UBE2K: variants seen among roughly 807,000 people sequenced by gnomAD.
UBE2K encodes ubiquitin conjugating enzyme E2 K.
A neutral mutation model predicts 30.0 loss-of-function variants in UBE2K; 6 were observed. The ratio of observed to expected loss-of-function variants is 0.20; its 90% CI spans 0.11 to 0.39. The LOEUF is 0.39. UBE2K is among the 10% of genes least tolerant of loss of function. The pLI is 1.00. For synonymous variants in UBE2K, 86 were observed against 83.7 expected (o/e 1.03, Z -0.15); for missense variants, 61 against 241.6 (o/e 0.25, Z 4.96).
intron 1 of UBE2K, among the ~76,000 whole-genome samples, chr4:39,701,140 T>C (rs1392960928): frequency 6.6e-6 from 1 of 151,556 alleles, no homozygotes; most frequent in Non-Finnish European, 1.5e-5. Flanking sequence ...CAGATGTTTC[T>C]TTTTATTAAT....
intron 1 of UBE2K, among the ~76,000 whole-genome samples, chr4:39,703,552 A>G (rs1718155774): frequency 6.6e-6 from 1 of 152,022 alleles, no homozygotes; most frequent in Non-Finnish European, 1.5e-5. Flanking sequence ...TTTATTAACT[A>G]TATAAGAAGA....
At chr4:39,725,891 C>T (rs1027343175) in intron 1 of UBE2K, among the ~76,000 whole-genome samples, 8 of 152,128 alleles carry the variant, frequency 5.3e-5, no homozygotes, top group African/African-American at 1.4e-4. Flanking sequence ...AGTCTGTCCA[C>T]CTTGGCCTTC....
chr4:39,714,353 TTA>T lies in UBE2K; in HGVS notation c.63+15965_63+15966del, dbSNP rs141951032. 3.4e-4 allele frequency: 63 copies of T among 183,418 alleles called. No individual in the cohort carries two copies. In the East Asian group the frequency reaches 8.1e-3, roughly 23 times the overall value. 11.4% of individuals were successfully genotyped at this position (183,418 alleles called of 1,614,324 possible). A position where few individuals can be genotyped will look rare whatever the true frequency, so the allele number is the denominator to read the frequency against. On this transcript the variant is annotated intron_variant, in intron 1 of 6. Coordinates refer to ENST00000261427, the MANE Select transcript of UBE2K (RefSeq NM_005339.5). ...CTTGGGAAGACCAAGCCCTCAAGGATTATGTCATGCACGCCTGTCAGAATAGG... is the reference window on the plus strand; with the variant it reads ...CTTGGGAAGACCAAGCCCTCAAGGATTGTCATGCACGCCTGTCAGAATAGG...
At chr4:39,762,936 C>CTTTTTTTTTT (rs869207095) in intron 4 of UBE2K, among the ~76,000 whole-genome samples, 30 of 78,690 alleles carry the variant, frequency 3.8e-4, no homozygotes, top group East Asian at 5.4e-4. Flanking sequence ...CCAAAAAACA[C>CTTTTTTTTTT]TTTTTTTTTT....
chr4:39,745,328 C>T (rs55996133), intron 2 of UBE2K, among the ~76,000 whole-genome samples: 2,593 of 152,188 alleles, frequency 0.017, 30 homozygotes, highest in Non-Finnish European at 0.025. Context: ...TAATCTCTGT[C>T]CTTTGTATCA....
At chr4:39,771,141 G>A in intron 4 of UBE2K, 1 of 1,612,548 alleles carries the variant, frequency 6.2e-7, no homozygotes, top group Non-Finnish European at 8.5e-7. Context: ...AGTTGACGAT[G>A]TCCCTAACAG....
chr4:39,714,550 A>ATATATATATATATATATATATATTT, intron 1 of UBE2K: 1 of 17,844 alleles, frequency 5.6e-5, no homozygotes, highest in Non-Finnish European at 8.7e-5. Context: ...ATATATATAT[A>ATATATATATATATATATATATATTT]TTTTTTTTTT....
chr4:39,748,211 A>G (rs1200963176), intron 3 of UBE2K, among the ~76,000 whole-genome samples: 1 of 152,148 alleles, frequency 6.6e-6, no homozygotes, highest in Non-Finnish European at 1.5e-5. Context: ...TATTTTATTA[A>G]ATCTCTCCCA....
intron 2 of UBE2K, among the ~76,000 whole-genome samples, chr4:39,745,044 A>G (rs1256377694): frequency 6.6e-6 from 1 of 152,122 alleles, no homozygotes; most frequent in Non-Finnish European, 1.5e-5. Context: ...ATATTAAAAT[A>G]GAGACAAGGA....
At position 39,767,671 on chromosome 4, in the gene UBE2K, A is replaced by G. The variant is rs28666528; in HGVS notation, c.300-7163A>G. On this transcript the variant is annotated intron_variant, in intron 4 of 6. Transcript: ENST00000261427. ...AGTGTTTATTGCCTTGTTGAGATAT[A>G]TGTTAGACTACCTATGTGATAGTAT... Among the ~76,000 whole-genome samples the G allele has an allele frequency of 5.9e-3, 896 of 152,232 alleles. 7 individuals carry two copies. Among genetic ancestry groups the G allele is most frequent in the African/African-American group, 0.02 (851 of 41,544 alleles).
intron 1 of UBE2K, among the ~76,000 whole-genome samples, chr4:39,702,829 T>C (rs1211456607): frequency 1.3e-5 from 2 of 152,010 alleles, no homozygotes; most frequent in Non-Finnish European, 2.9e-5. Flanking sequence ...TAGTTCTTTG[T>C]TGAGTGGCTC....
chr4:39,737,703 AT>A (rs1720451937), intron 2 of UBE2K, among the ~76,000 whole-genome samples, 190 bp downstream of exon 2: 2 of 152,212 alleles, frequency 1.3e-5, no homozygotes, highest in South Asian at 4.1e-4. Flanking sequence ...ATTTTAGCTA[AT>A]TTTTTTCTTT....
rs960447609 is a variant in UBE2K, at chr4:39,712,238, G to C, written c.63+13848G>C. 7.2e-5 allele frequency among the ~76,000 whole-genome samples: 8 copies of C among 110,800 alleles called. No individual in the cohort carries two copies. The South Asian group carries it at 2.1e-3, about 29-fold the overall frequency. 72.7% of individuals were successfully genotyped at this position (110,800 alleles called of 152,430 possible). ...TTTTTTTGAGACCGAGTCTCGCTCT[G>C]TCACCCAGGCTGGAGTGCAGTGGCA... is the stretch of plus-strand genomic sequence containing the variant. On this transcript the variant is annotated intron_variant, in intron 1 of 6. Coordinates refer to ENST00000261427, the MANE Select transcript of UBE2K (RefSeq NM_005339.5).
At chr4:39,700,241 C>G (rs1337937478) in intron 1 of UBE2K, among the ~76,000 whole-genome samples, 9 of 151,886 alleles carry the variant, frequency 5.9e-5, no homozygotes, top group Non-Finnish European at 1.3e-4. Flanking sequence ...ACTTGTATTG[C>G]TCTCTAGTAA....
chr4:39,736,162 C>CA (rs758825623), intron 1 of UBE2K, among the ~76,000 whole-genome samples: 1 of 150,796 alleles, frequency 6.6e-6, no homozygotes, highest in Non-Finnish European at 1.5e-5. Context: ...GAATTCTAAC[C>CA]AAAAAAAATG....
intron 4 of UBE2K, among the ~76,000 whole-genome samples, chr4:39,773,154 G>C (rs1017237069): frequency 1.3e-5 from 2 of 152,184 alleles, no homozygotes; most frequent in Admixed American, 1.3e-4. Flanking sequence ...GTTTCAGAAT[G>C]TTATGGAATG....
At chr4:39,703,873 G>A (rs1718178269) in intron 1 of UBE2K, among the ~76,000 whole-genome samples, 1 of 148,118 alleles carries the variant, frequency 6.8e-6, no homozygotes, top group Non-Finnish European at 1.5e-5. Flanking sequence ...AGAATACTTT[G>A]AGACTTAACT....
chr4:39,715,840 C>G (rs186108113), intron 1 of UBE2K, among the ~76,000 whole-genome samples: 5 of 60,922 alleles, frequency 8.2e-5, no homozygotes, highest in African/African-American at 5.3e-4. Flanking sequence ...CCGGAGGACC[C>G]GTTTTTTTTT....
chr4:39,719,374 G>C (rs1393454906), intron 1 of UBE2K, among the ~76,000 whole-genome samples: 1 of 152,088 alleles, frequency 6.6e-6, no homozygotes, highest in Non-Finnish European at 1.5e-5. Flanking sequence ...TTCTACTCCT[G>C]GTAGATTAAA....
Sources: gnomAD v4.1 joint callset for allele counts (sites outside exome capture counted in the v4.1 genomes callset) on GRCh38, gnomAD v4.1.1 for gene constraint, MANE v1.5 for transcripts, NCBI Gene and HGNC (gene_info 2026-07-23, HGNC 2026-07-21) for gene names.